STX8: variants seen among roughly 807,000 people sequenced by gnomAD.
STX8 encodes syntaxin-8.
In STX8, 23 loss-of-function variants were observed where a neutral mutation model predicts 37.5. That is an observed-to-expected ratio of 0.61 (90% CI 0.44 to 0.87). The LOEUF (loss-of-function observed/expected upper bound fraction) is 0.87. STX8 is among the 40% of genes least tolerant of loss of function. The pLI is 0.00. For synonymous variants in STX8, 115 were observed against 99.1 expected (o/e 1.16, Z -0.95); for missense variants, 313 against 284.7 (o/e 1.10, Z -0.71).
intron 5 of STX8, among the ~76,000 whole-genome samples, chr17:9,499,861 C>A (rs1322549679): frequency 3.3e-5 from 5 of 152,204 alleles, no homozygotes; most frequent in Non-Finnish European, 7.3e-5. Context: ...CTGTGACAAA[C>A]ACTTTGAGGA....
intron 6 of STX8, chr17:9,469,254 AG>A (rs1477349542): frequency 6.6e-6 from 1 of 152,126 alleles, no homozygotes; most frequent in African/African-American, 2.4e-5. Context: ...GAGCAAGGTG[AG>A]TGCTGTCCTG....
intron 7 of STX8, among the ~76,000 whole-genome samples, chr17:9,298,033 C>T (rs547384922): frequency 6.6e-6 from 1 of 152,298 alleles, no homozygotes; most frequent in South Asian, 2.1e-4. Context: ...CCTTTCTTTT[C>T]CCAAGTGTCT....
chr17:9,455,789 T>C (rs1161331365), intron 6 of STX8, among the ~76,000 whole-genome samples: 7 of 152,166 alleles, frequency 4.6e-5, no homozygotes, highest in Non-Finnish European at 1.0e-4. Flanking sequence ...TACAATATTA[T>C]TCACAAAGTG....
Position 9,275,040 on chromosome 17 carries a change from C to T in STX8, c.644-24395G>A, listed in dbSNP as rs142423897. Among the ~76,000 whole-genome samples the T allele has an allele frequency of 6.6e-5, 10 of 152,150 alleles. No homozygotes were observed. In the East Asian group the frequency reaches 1.2e-3, roughly 18 times the overall value. On this transcript the variant is annotated intron_variant, in intron 7 of 7. Coordinates refer to ENST00000306357, the MANE Select transcript of STX8 (RefSeq NM_004853.3). ...TGCAGGGATTACAGGCATGAGCCACCGCGCCTGGCCCAACAATTTCTTTAT... is the reference window on the plus strand; with the variant it reads ...TGCAGGGATTACAGGCATGAGCCACTGCGCCTGGCCCAACAATTTCTTTAT...
chr17:9,408,725 G>A (rs1271365465), intron 6 of STX8, among the ~76,000 whole-genome samples: 1 of 152,140 alleles, frequency 6.6e-6, no homozygotes, highest in East Asian at 1.9e-4. Flanking sequence ...CAAAAAGATG[G>A]AACAGAGAAA....
intron 6 of STX8, among the ~76,000 whole-genome samples, chr17:9,490,141 AAG>A (rs1445930541): frequency 1.3e-5 from 2 of 152,204 alleles, no homozygotes; most frequent in Non-Finnish European, 2.9e-5. Flanking sequence ...TAGAATTGTA[AAG>A]AGAGAAGGCT....
chr17:9,339,958 G>A (rs377486829), intron 7 of STX8, among the ~76,000 whole-genome samples: 1 of 152,234 alleles, frequency 6.6e-6, no homozygotes, highest in African/African-American at 2.4e-5. Flanking sequence ...CATGATTGTG[G>A]TGTTTCTTTC....
intron 7 of STX8, among the ~76,000 whole-genome samples, chr17:9,327,240 C>A (rs8067191): frequency 0.98 from 147,065 of 149,562 alleles, 72,285 homozygotes; most frequent in East Asian, 1. Flanking sequence ...GGAAGGAGGA[C>A]AGAGGAGGAA....
At chr17:9,264,359 C>T (rs1217020938) in intron 7 of STX8, among the ~76,000 whole-genome samples, 1 of 152,228 alleles carries the variant, frequency 6.6e-6, no homozygotes, top group Non-Finnish European at 1.5e-5. Context: ...GGCTGGAGTG[C>T]AGTGGCATGG....
chr17:9,287,190 T>C (rs537192769), intron 7 of STX8, among the ~76,000 whole-genome samples: 2 of 152,270 alleles, frequency 1.3e-5, no homozygotes, highest in South Asian at 4.1e-4. Flanking sequence ...AAGTCATCAG[T>C]GTCTTACAGT....
intron 7 of STX8, among the ~76,000 whole-genome samples, chr17:9,296,397 C>T (rs1288285930): frequency 6.6e-6 from 1 of 151,500 alleles, no homozygotes; most frequent in African/African-American, 2.4e-5. Flanking sequence ...ACTTGGGAGG[C>T]TGTGGCAGGA....
chr17:9,397,193 C>T lies in STX8; in HGVS notation c.542-18540G>A, dbSNP rs551342368. 5.9e-5 allele frequency among the ~76,000 whole-genome samples: 9 copies of T among 152,270 alleles called. No homozygotes were observed. The East Asian group carries it at 1.7e-3, about 29-fold the overall frequency. On this transcript the variant is annotated intron_variant, in intron 6 of 7. Transcript: ENST00000306357. Reference sequence around the variant, plus strand: ...CAGGCAGATCACGACGTCAGGAGTTCGAGACCAGCCTGGCCAACATGGTGA... The same window carrying T: ...CAGGCAGATCACGACGTCAGGAGTTTGAGACCAGCCTGGCCAACATGGTGA...
chr17:9,551,565 C>G lies in STX8; in HGVS notation c.212+5869G>C, dbSNP rs145437423. Among the ~76,000 whole-genome samples, 18 of 152,272 alleles carry G rather than the reference C, an allele frequency of 1.2e-4. No individual in the cohort carries two copies. The East Asian group carries it at 3.3e-3, about 28-fold the overall frequency. ...GGTGGACTTCTAGCATCCCATTCCA[C>G]AAATGAGGCACAAAGAGGTTAAGTA... On this transcript the variant is annotated intron_variant, in intron 3 of 7. Transcript: ENST00000306357.
At chr17:9,426,579 G>A (rs1377837287) in intron 6 of STX8, among the ~76,000 whole-genome samples, 1 of 152,056 alleles carries the variant, frequency 6.6e-6, no homozygotes, top group Non-Finnish European at 1.5e-5. Flanking sequence ...GGGCAACACA[G>A]TGAGACCTTG....
rs1201250312 is a variant in STX8, at chr17:9,299,744, T to C, written c.644-49099A>G. Among the ~76,000 whole-genome samples, 5 of 152,080 alleles carry C rather than the reference T, an allele frequency of 3.3e-5. 1 individual carries two copies. In the South Asian group the frequency reaches 1.0e-3, roughly 32 times the overall value. The stretch of plus-strand genomic sequence containing the variant: ...GGTGTGAGCCACCGTGCTCGGGCCA[T>C]TCTTACATTATTTAATACTGGTCAT... On this transcript the variant is annotated intron_variant, in intron 7 of 7. Transcript: ENST00000306357.
At chr17:9,549,869 T>C (rs1227920351) in intron 3 of STX8, among the ~76,000 whole-genome samples, 1 of 151,750 alleles carries the variant, frequency 6.6e-6, no homozygotes, top group African/African-American at 2.4e-5. Flanking sequence ...TGCGTAGCAG[T>C]TGGGTAAAGT....
At chr17:9,501,934 A>G (rs958735522) in intron 5 of STX8, among the ~76,000 whole-genome samples, 1 of 152,124 alleles carries the variant, frequency 6.6e-6, no homozygotes, top group Non-Finnish European at 1.5e-5. Context: ...GCGTCACTGC[A>G]CTCCAGCCTG....
intron 7 of STX8, among the ~76,000 whole-genome samples, chr17:9,277,178 C>T (rs928439270): frequency 5.3e-5 from 8 of 152,084 alleles, no homozygotes; most frequent in South Asian, 2.1e-4. Context: ...AGGTTTAATG[C>T]GGATGAACAT....
chr17:9,461,302 G>A (rs1287033448), intron 6 of STX8: 1 of 152,166 alleles, frequency 6.6e-6, no homozygotes, highest in Non-Finnish European at 1.5e-5. Flanking sequence ...TCAACATGGA[G>A]AGGAGTGGTT....
Sources: allele counts gnomAD v4.1 joint callset (sites outside exome capture counted in the v4.1 genomes callset), GRCh38; gene constraint gnomAD v4.1.1; transcripts MANE v1.5; gene names NCBI Gene and HGNC (gene_info 2026-07-23, HGNC 2026-07-21).